The following ZSCAN5A variants were observed in gnomAD, a reference collection of about 807,000 sequenced individuals.
ZSCAN5A encodes zinc finger and SCAN domain-containing protein 5A.
In ZSCAN5A, 12 loss-of-function variants were observed where a neutral mutation model predicts 23.7. The observed-to-expected ratio is 0.51, with a 90% CI of 0.32 to 0.82. The LOEUF is 0.82. ZSCAN5A is among the 40% of genes least tolerant of loss of function. ZSCAN5A has a pLI of 0.03. For missense variants in ZSCAN5A, 597 were observed against 617.9 expected (o/e 0.97, Z 0.36); for synonymous variants, 257 against 239.9 (o/e 1.07, Z -0.66).
intron 2 of ZSCAN5A, among the ~76,000 whole-genome samples, chr19:56,233,561 A>G (rs970980818): frequency 1.3e-5 from 2 of 151,670 alleles, no homozygotes; most frequent in South Asian, 2.1e-4. Flanking sequence ...TACCAAACCA[A>G]CTTGAAGCAA....
At chr19:56,305,082 C>T (rs924207097) in intron 2 of ZSCAN5A, among the ~76,000 whole-genome samples, 3 of 152,176 alleles carry the variant, frequency 2.0e-5, no homozygotes, top group African/African-American at 7.2e-5. Flanking sequence ...TAAATTCACT[C>T]TATAATTTTT....
intron 2 of ZSCAN5A, among the ~76,000 whole-genome samples, chr19:56,350,828 T>C (rs532655691): frequency 6.6e-6 from 1 of 152,114 alleles, no homozygotes; most frequent in South Asian, 2.1e-4. Context: ...AAATAAAGTT[T>C]AATATTTTAA....
chr19:56,268,752 C>T (rs765944157), intron 2 of ZSCAN5A, among the ~76,000 whole-genome samples: 2 of 152,114 alleles, frequency 1.3e-5, no homozygotes, highest in South Asian at 4.1e-4. Flanking sequence ...TTCCTTACCC[C>T]TCACCCCATC....
At chr19:56,343,136 C>A in intron 2 of ZSCAN5A, 1 of 735,552 alleles carries the variant, frequency 1.4e-6, no homozygotes, top group South Asian at 1.5e-5. Context: ...CTTCAAATGC[C>A]TAAAATGGTC....
At chr19:56,342,124 T>C (rs2041597559) in intron 2 of ZSCAN5A, among the ~76,000 whole-genome samples, 1 of 152,090 alleles carries the variant, frequency 6.6e-6, no homozygotes, top group African/African-American at 2.4e-5. Context: ...CACATAAAAG[T>C]TTTTGATTTG....
chr19:56,273,851 A>G (rs1329623365), intron 2 of ZSCAN5A, among the ~76,000 whole-genome samples: 1 of 152,074 alleles, frequency 6.6e-6, no homozygotes, highest in African/African-American at 2.4e-5. Flanking sequence ...AAGGAGTGTC[A>G]TATTTAGGAG....
intron 2 of ZSCAN5A, among the ~76,000 whole-genome samples, chr19:56,249,679 C>A (rs1349758651): frequency 6.6e-6 from 1 of 152,216 alleles, no homozygotes; most frequent in East Asian, 1.9e-4. Flanking sequence ...ACATTTGCCA[C>A]AAGCGATGAG....
intron 2 of ZSCAN5A, among the ~76,000 whole-genome samples, chr19:56,323,138 C>A (rs1471240118): frequency 6.6e-6 from 1 of 152,112 alleles, no homozygotes; most frequent in East Asian, 1.9e-4. Context: ...TCATGATCCA[C>A]CTGCCTCGGC....
At chr19:56,319,686 C>T (rs764880520), upstream of ZSCAN5A, 1 of 589,144 alleles carries the variant, frequency 1.7e-6, no homozygotes, top group Non-Finnish European at 3.0e-6. Flanking sequence ...TTTCTTTGTC[C>T]TTAAAGGAAC....
intron 2 of ZSCAN5A, among the ~76,000 whole-genome samples, chr19:56,293,862 A>T (rs1568710836): frequency 6.6e-6 from 1 of 152,164 alleles, no homozygotes; most frequent in Non-Finnish European, 1.5e-5. Flanking sequence ...CAACAAAAAA[A>T]CTATCCAGCC....
rs774444369 is a variant in ZSCAN5A at position 56,244,214 on chromosome 19, C to A, written c.-127-19041G>T. On this transcript the variant is annotated intron_variant, in intron 2 of 5. Transcript: ENST00000683990. ...GTTCAGCTGCCCAGAGGAGTCGGAC[C>A]CCATCCAGGCTCTGAGGAAACTCAC... 3.7e-6 allele frequency: 6 copies of A among 1,607,698 alleles called. No homozygotes were observed. In the South Asian group the frequency reaches 5.5e-5, roughly 15 times the overall value.
intron 2 of ZSCAN5A, chr19:56,320,581 C>T (rs1033372583): frequency 7.3e-6 from 4 of 550,330 alleles, no homozygotes; most frequent in South Asian, 1.9e-5. Context: ...CATTGCACTC[C>T]AGCCTGGGTG....
chr19:56,225,252 A>T, intron 2 of ZSCAN5A, 79 bp from the exon 3 acceptor site: 1 of 1,315,870 alleles, frequency 7.6e-7, no homozygotes, highest in South Asian at 1.8e-5. Flanking sequence ...CTCATCCTGG[A>T]TGCCACTTCT....
chr19:56,302,122 G>A (rs1481181706), intron 2 of ZSCAN5A: 4 of 1,228,980 alleles, frequency 3.3e-6, no homozygotes, highest in Admixed American at 8.4e-5. Flanking sequence ...ACGGAGGGGA[G>A]GAGTGTGAGG....
In ZSCAN5A at chr19:56,222,444, T is replaced by C. The variant is rs566691777; in HGVS notation, c.740-118A>G. 5.5e-4 allele frequency: 857 copies of C among 1,558,026 alleles called. 1 individual carries two copies. Among genetic ancestry groups the C allele is most frequent in the Non-Finnish European group, 6.9e-4 (793 of 1,153,982 alleles). ...TCCGCTCAAGCTCAAGCCTAAGACA[T>C]TGGACTGTAGGTCTCTGGAAAGTAG... On this transcript the variant is annotated intron_variant, in intron 5 of 5. Coordinates refer to ENST00000683990, the MANE Select transcript of ZSCAN5A (RefSeq NM_001322064.3).
At chr19:56,341,507 T>C (rs2041591653) in intron 2 of ZSCAN5A, among the ~76,000 whole-genome samples, 1 of 152,076 alleles carries the variant, frequency 6.6e-6, no homozygotes, top group South Asian at 2.1e-4. Context: ...ATATAAGCTC[T>C]CAGTATTTAA....
intron 2 of ZSCAN5A, among the ~76,000 whole-genome samples, chr19:56,304,143 A>G (rs1321481927): frequency 6.6e-6 from 1 of 152,190 alleles, no homozygotes; most frequent in African/African-American, 2.4e-5. Context: ...GGGAGCAGAC[A>G]GACTGAGAGG....
chr19:56,312,207 C>G (rs1007005142), intron 2 of ZSCAN5A: 1 of 152,148 alleles, frequency 6.6e-6, no homozygotes, highest in African/African-American at 2.4e-5. Context: ...TAAAATTGAT[C>G]TGCAATTATA....
chr19:56,336,537 C>T (rs1164802398), intron 2 of ZSCAN5A, among the ~76,000 whole-genome samples: 6 of 152,132 alleles, frequency 3.9e-5, no homozygotes, highest in Non-Finnish European at 7.3e-5. Context: ...GAACTTCCTC[C>T]TTTAGCTTGG....
Sources: allele counts gnomAD v4.1 joint callset (sites outside exome capture counted in the v4.1 genomes callset), GRCh38; gene constraint gnomAD v4.1.1; transcripts MANE v1.5; gene names NCBI Gene and HGNC (gene_info 2026-07-23, HGNC 2026-07-21).